NCOA3: variants seen among roughly 807,000 people sequenced by gnomAD.
NCOA3 encodes the protein nuclear receptor coactivator 3, also known as CBP-interacting protein.
A neutral mutation model predicts 158.8 loss-of-function variants in NCOA3; 51 were observed. The ratio of observed to expected loss-of-function variants is 0.32; its 90% CI spans 0.26 to 0.41. The LOEUF (loss-of-function observed/expected upper bound fraction) is 0.41, where lower values mean the gene tolerates loss of function less well. Ranked by LOEUF, NCOA3 falls within the 10% of genes least tolerant of loss-of-function variation. NCOA3 has a pLI of 1.00. For synonymous variants in NCOA3, 537 were observed against 592.4 expected (o/e 0.91, Z 1.36); for missense variants, 1,510 against 1,746.6 (o/e 0.86, Z 2.41).
chr20:47,593,334 A>ATTTTT (rs71183267), intron 2 of NCOA3, among the ~76,000 whole-genome samples: 1,673 of 63,762 alleles, frequency 0.026, 269 homozygotes, highest in African/African-American at 0.034. Context: ...GAGTTGATGG[A>ATTTTT]TTTTTTTTTT....
chr20:47,587,697 TG>T (rs1348366669), intron 2 of NCOA3, among the ~76,000 whole-genome samples: 1 of 152,346 alleles, frequency 6.6e-6, no homozygotes. Flanking sequence ...ATTGCTGTAT[TG>T]TTTTTTTAAA....
chr20:47,605,025 C>A (rs1008312607), intron 2 of NCOA3, among the ~76,000 whole-genome samples: 3 of 152,056 alleles, frequency 2.0e-5, no homozygotes, highest in Admixed American at 6.6e-5. Flanking sequence ...ATGCCACTAC[C>A]CCCGGCCAAT....
chr20:47,636,035 A>G lies in NCOA3; in HGVS notation c.1649A>G (p.Asn550Ser). 1 of 1,613,978 alleles carries G rather than the reference A, an allele frequency of 6.2e-7. No homozygotes were observed. The highest frequency in any genetic ancestry group is 1.1e-5 in the South Asian group (1 of 91,072). ...TLSSPGPKLD[N>S]SPNMNITQPS... ...TCATCACCAGGCCCCAAATTGGATA[A>G]CTCTCCCAATATGAATATTACCCAA... The change falls in exon 12 of 23, where the codon AAC (asparagine) becomes AGC (serine). Residue 550 changes from asparagine to serine, a missense_variant. This residue lies in a region of NCOA3 where 1,017 missense variants were observed against 1,098.3 expected (regional missense o/e 0.93). Transcript: ENST00000371998.
chr20:47,644,633 G>T (rs1023072221), intron 17 of NCOA3, among the ~76,000 whole-genome samples: 4 of 152,148 alleles, frequency 2.6e-5, no homozygotes, highest in Admixed American at 1.3e-4. Context: ...AGCATCAGTT[G>T]TCTTTACTGA....
chr20:47,623,036 A>G (rs144854252), intron 3 of NCOA3: 1 of 152,236 alleles, frequency 6.6e-6, no homozygotes, highest in Non-Finnish European at 1.5e-5. Context: ...AATCTTTGCT[A>G]TCTTTTAAGA....
intron 1 of NCOA3, among the ~76,000 whole-genome samples, chr20:47,535,019 G>GTTT: frequency 6.9e-6 from 1 of 144,260 alleles, no homozygotes. Flanking sequence ...GCCCAGGCTT[G>GTTT]TTTTTTTTTT....
At chr20:47,638,813 T>G (rs1174782449) in intron 13 of NCOA3, among the ~76,000 whole-genome samples, 195 bp from the exon 14 acceptor site, 3 of 151,150 alleles carry the variant, frequency 2.0e-5, no homozygotes, top group Non-Finnish European at 4.4e-5. Flanking sequence ...ATGAGACCCT[T>G]TTTTGGCTGG....
intron 1 of NCOA3, among the ~76,000 whole-genome samples, chr20:47,564,911 A>G (rs533821149): frequency 2.6e-5 from 4 of 151,412 alleles, no homozygotes; most frequent in East Asian, 1.9e-4. Context: ...TAAAGCTCCT[A>G]TGTATCCTAA....
intron 1 of NCOA3, among the ~76,000 whole-genome samples, chr20:47,522,099 CTTTTTTTTTT>C (rs772811888): frequency 1.3e-5 from 1 of 76,816 alleles, no homozygotes; most frequent in African/African-American, 5.3e-5. Context: ...TTGTACAGAT[CTTTTTTTTTT>C]TTTTTTTTTT....
At chr20:47,551,713 T>G (rs930001249) in intron 1 of NCOA3, among the ~76,000 whole-genome samples, 10 of 152,176 alleles carry the variant, frequency 6.6e-5, no homozygotes, top group Non-Finnish European at 1.2e-4. Context: ...TTTTTAAAAA[T>G]GGAAAAACAT....
At chr20:47,653,236 A>G (rs989460807) in intron 22 of NCOA3, among the ~76,000 whole-genome samples, 164 bp downstream of exon 22, 1 of 152,224 alleles carries the variant, frequency 6.6e-6, no homozygotes, top group Non-Finnish European at 1.5e-5. Flanking sequence ...GGGCCATTAG[A>G]TACTTTTGGT....
Position 47,636,309 on chromosome 20 carries a change from C to G in NCOA3, c.1923C>G (p.Pro641=), listed in dbSNP as rs775583331. 46 of 1,614,026 alleles carry G rather than the reference C, an allele frequency of 2.9e-5. No individual in the cohort carries two copies. The highest frequency in any genetic ancestry group is 6.7e-5 in the Admixed American group (4 of 60,002). The change falls in exon 12 of 23, where the codon CCC becomes CCG. Residue 641 remains proline (P), a synonymous_variant. Coordinates refer to ENST00000371998, the MANE Select transcript of NCOA3 (RefSeq NM_181659.3). ...DRGHSSLTNS[P]LDSSCKESSV... The stretch of plus-strand genomic sequence containing the variant: ...GTCATTCCTCCTTGACCAACTCCCC[C>G]CTAGATTCAAGTTGTAAAGAATCTT...
rs1029504412 is a variant in NCOA3 at position 47,656,168 on chromosome 20, AATAT to A, written c.*2758_*2761del. ...GCTGAATCCAAAGATATATAAATAA[AATAT>A]ATATATTTTATAAAGATCAGAATGA... On this transcript the variant is annotated 3_prime_UTR_variant, in exon 23 of 23. Coordinates refer to ENST00000371998, the MANE Select transcript of NCOA3 (RefSeq NM_181659.3). 1.3e-5 allele frequency: 2 copies of A among 149,892 alleles called. No homozygotes were observed. The highest frequency in any genetic ancestry group is 1.9e-4 in the East Asian group (1 of 5,184). The allele number at this position is 149,892 out of a possible 1,614,324, so 9.3% of individuals were successfully genotyped here.
At chr20:47,621,924 G>A (rs557901436) in intron 2 of NCOA3, among the ~76,000 whole-genome samples, 1 of 152,128 alleles carries the variant, frequency 6.6e-6, no homozygotes, top group African/African-American at 2.4e-5. Flanking sequence ...TGATCCACCT[G>A]CCTCGACCTC....
chr20:47,541,740 AG>A, intron 1 of NCOA3, among the ~76,000 whole-genome samples: 1 of 151,806 alleles, frequency 6.6e-6, no homozygotes, highest in Non-Finnish European at 1.5e-5. Context: ...AATTTCCTTA[AG>A]TATCTATAAA....
intron 1 of NCOA3, among the ~76,000 whole-genome samples, chr20:47,534,785 G>A (rs566191369): frequency 2.4e-4 from 36 of 152,154 alleles, no homozygotes; most frequent in African/African-American, 7.2e-4. Flanking sequence ...GTGTGGTGGC[G>A]TGCACCTGTA....
intron 19 of NCOA3, among the ~76,000 whole-genome samples, chr20:47,650,085 T>C (rs975418460): frequency 3.3e-5 from 5 of 152,052 alleles, no homozygotes; most frequent in Non-Finnish European, 5.9e-5. Context: ...TTGTCTTTCA[T>C]AGTTCCTGAA....
chr20:47,599,333 T>A (rs1235993917), intron 2 of NCOA3, among the ~76,000 whole-genome samples: 1 of 152,066 alleles, frequency 6.6e-6, no homozygotes, highest in African/African-American at 2.4e-5. Flanking sequence ...ACGTAAGTGG[T>A]TGTCAAGGGC....
intron 1 of NCOA3, among the ~76,000 whole-genome samples, chr20:47,575,560 C>A (rs1167880624): frequency 6.6e-6 from 1 of 152,046 alleles, no homozygotes; most frequent in African/African-American, 2.4e-5. Flanking sequence ...ATTTTGGAAC[C>A]CTTCAGCAGT....
Sources: allele counts gnomAD v4.1 joint callset (sites outside exome capture counted in the v4.1 genomes callset), GRCh38; gene constraint gnomAD v4.1.1; regional missense constraint gnomAD v4.1.1; transcripts MANE v1.5; gene names NCBI Gene and HGNC (gene_info 2026-07-23, HGNC 2026-07-21).